KIRREL3: variants seen among roughly 807,000 people sequenced by gnomAD.
The protein encoded by KIRREL3 is kirre like nephrin family adhesion molecule 3.
Under a neutral mutation model 89.7 loss-of-function variants are expected in KIRREL3, and 36 were observed. That is an observed-to-expected ratio of 0.40 (90% CI 0.31 to 0.53). The LOEUF is 0.53. Ranked by LOEUF, KIRREL3 falls within the 20% of genes least tolerant of loss-of-function variation. The pLI, the probability that KIRREL3 is intolerant of heterozygous loss-of-function variation, is 0.49. For synonymous variants in KIRREL3, 445 were observed against 441.4 expected (o/e 1.01, Z -0.10); for missense variants, 864 against 1,056.6 (o/e 0.82, Z 2.53).
chr11:127,002,399 T>C (rs1184460979), upstream of KIRREL3, among the ~76,000 whole-genome samples: 1 of 152,198 alleles, frequency 6.6e-6, no homozygotes, highest in Non-Finnish European at 1.5e-5. Context: ...AGGCAGCCCA[T>C]TAGCTAAATT....
At chr11:126,554,046 C>T (rs1306460029) in intron 2 of KIRREL3, among the ~76,000 whole-genome samples, 1 of 152,084 alleles carries the variant, frequency 6.6e-6, no homozygotes, top group African/African-American at 2.4e-5. Context: ...CCAGCAGCAC[C>T]TCACACAGTT....
chr11:126,796,312 G>A lies in KIRREL3; in HGVS notation c.55+204143C>T, dbSNP rs1208279680. 6.6e-6 allele frequency among the ~76,000 whole-genome samples: 1 copy of A among 152,206 alleles called. No individual in the cohort carries two copies. Among genetic ancestry groups the A allele is most frequent in the Non-Finnish European group, 1.5e-5 (1 of 68,022 alleles). On this transcript the variant is annotated intron_variant, in intron 1 of 16. Transcript: ENST00000525144. This position sits in a 1 kb window ranked among gnomAD's most constrained non-coding sequence, Gnocchi z 5.1. ...GGGCTCGATCCATGTGAGTTCCCTG[G>A]CTTGCTGATCCCAGACTGGGCTGAC...
chr11:127,003,133 G>C (rs962865173), upstream of KIRREL3: 1 of 150,260 alleles, frequency 6.7e-6, no homozygotes, highest in Admixed American at 6.6e-5. Flanking sequence ...AAAAAAAAAA[G>C]CTTGGATTAA....
intron 1 of KIRREL3, among the ~76,000 whole-genome samples, chr11:126,856,360 T>A (rs559405023): frequency 3.3e-5 from 5 of 152,260 alleles, no homozygotes; most frequent in Admixed American, 2.0e-4. Context: ...ATTTTTTTTC[T>A]CACATTATTT....
At chr11:126,961,048 G>T (rs927769895) in intron 1 of KIRREL3, among the ~76,000 whole-genome samples, 1 of 152,090 alleles carries the variant, frequency 6.6e-6, no homozygotes, top group Non-Finnish European at 1.5e-5. Context: ...CAATGAGTGT[G>T]GTGTGTGTTC....
At chr11:126,793,628 T>C (rs1950713893) in intron 1 of KIRREL3, among the ~76,000 whole-genome samples, 1 of 152,190 alleles carries the variant, frequency 6.6e-6, no homozygotes, top group South Asian at 2.1e-4. Flanking sequence ...GCACAGGTCC[T>C]TCCTAAGAGG....
At chr11:126,921,618 C>CG (rs1565419556) in intron 1 of KIRREL3, among the ~76,000 whole-genome samples, 3 of 77,474 alleles carry the variant, frequency 3.9e-5, no homozygotes, top group African/African-American at 1.4e-4. Flanking sequence ...ATCTATCTAT[C>CG]TATCTTCCTA....
At chr11:126,790,389 C>T (rs1381138920) in intron 1 of KIRREL3, among the ~76,000 whole-genome samples, 1 of 152,184 alleles carries the variant, frequency 6.6e-6, no homozygotes, top group African/African-American at 2.4e-5. Context: ...AAGAGGCTCT[C>T]CCCTGGTTAG....
intron 5 of KIRREL3, among the ~76,000 whole-genome samples, chr11:126,464,707 G>A (rs1253177869): frequency 6.6e-6 from 1 of 152,200 alleles, no homozygotes; most frequent in Non-Finnish European, 1.5e-5. Context: ...AGGAATGCCA[G>A]GAGCTGCCAG....
chr11:126,879,123 G>T lies in KIRREL3; in HGVS notation c.55+121332C>A, dbSNP rs1190082484. Among the ~76,000 whole-genome samples, 1 of 152,190 alleles carries T rather than the reference G, an allele frequency of 6.6e-6. No individual in the cohort carries two copies. Among genetic ancestry groups the T allele is most frequent in the African/African-American group, 2.4e-5 (1 of 41,442 alleles). On this transcript the variant is annotated intron_variant, in intron 1 of 16. Transcript: ENST00000525144. This position sits in a 1 kb window ranked among gnomAD's most constrained non-coding sequence, Gnocchi z 5.4. ...TTTCTTCCCATCACTGACAGCAAAG[G>T]GAGGAAATAGTCTGAGTCCAGCTAA...
chr11:126,533,211 C>T (rs1269213065), intron 2 of KIRREL3, among the ~76,000 whole-genome samples: 1 of 152,180 alleles, frequency 6.6e-6, no homozygotes, highest in Non-Finnish European at 1.5e-5. Flanking sequence ...CCGTATCACA[C>T]CTACGTGAAG....
At chr11:126,895,940 G>A (rs955852027) in intron 1 of KIRREL3, among the ~76,000 whole-genome samples, 5 of 152,158 alleles carry the variant, frequency 3.3e-5, no homozygotes, top group African/African-American at 7.2e-5. Flanking sequence ...AAACTGCAGC[G>A]GTGTTGTCAC....
Position 126,520,434 on chromosome 11 carries a change from G to A in KIRREL3, c.433+881C>T, listed in dbSNP as rs1380542758. On this transcript the variant is annotated intron_variant, in intron 4 of 16. Coordinates refer to ENST00000525144, the MANE Select transcript of KIRREL3 (RefSeq NM_032531.4). This position sits in a 1 kb window ranked among gnomAD's most constrained non-coding sequence, Gnocchi z 4.9. ...CCTTAGTATCTCATCTGGGGTAACA[G>A]TCCCTGTCCCACCGAGCAGCGTCAG... Among the ~76,000 whole-genome samples, 1 of 152,170 alleles carries A rather than the reference G, an allele frequency of 6.6e-6. No homozygotes were observed. The highest frequency in any genetic ancestry group is 1.5e-5 in the Non-Finnish European group (1 of 68,030).
At chr11:126,756,367 G>C (rs527417120) in intron 1 of KIRREL3, among the ~76,000 whole-genome samples, 1 of 152,328 alleles carries the variant, frequency 6.6e-6, no homozygotes, top group African/African-American at 2.4e-5. Flanking sequence ...TCATTGTGTT[G>C]TATTGAATGT....
At chr11:126,532,370 A>T (rs1591690000) in intron 2 of KIRREL3, among the ~76,000 whole-genome samples, 1 of 151,244 alleles carries the variant, frequency 6.6e-6, no homozygotes, top group South Asian at 2.1e-4. Flanking sequence ...ATCTATTTTT[A>T]TATTTATTTA....
At chr11:126,869,064 T>C (rs550967077) in intron 1 of KIRREL3, among the ~76,000 whole-genome samples, 2 of 152,078 alleles carry the variant, frequency 1.3e-5, no homozygotes, top group East Asian at 1.9e-4. Context: ...TTTCAACATA[T>C]GAATTTTGAG....
rs2134555705 is a variant in KIRREL3 at position 126,555,791 on chromosome 11, A to G, written c.133+7044T>C. On this transcript the variant is annotated intron_variant, in intron 2 of 16. Coordinates refer to ENST00000525144, the MANE Select transcript of KIRREL3 (RefSeq NM_032531.4). This position sits in a 1 kb window ranked among gnomAD's most constrained non-coding sequence, Gnocchi z 4.2. The stretch of plus-strand genomic sequence containing the variant: ...AGTCTCCCTCTATCACTCAGGCTGG[A>G]GTGCAGTGGCACGATCTCGGCTCAC... Among the ~76,000 whole-genome samples, 1 of 149,692 alleles carries G rather than the reference A, an allele frequency of 6.7e-6. No individual in the cohort carries two copies. The highest frequency in any genetic ancestry group is 2.5e-5 in the African/African-American group (1 of 40,618).
rs1162098397 is a variant in KIRREL3 at position 126,477,943 on chromosome 11, G to C, written c.434-4477C>G. On this transcript the variant is annotated intron_variant, in intron 4 of 16. Transcript: ENST00000525144. This position sits in a 1 kb window ranked among gnomAD's most constrained non-coding sequence, Gnocchi z 4.8. ...TCTCATTTGACTCAATGAGCAGCGA[G>C]TTCCCCACAATGCTGGCAGAGTGGG... Among the ~76,000 whole-genome samples, 1 of 152,186 alleles carries C rather than the reference G, an allele frequency of 6.6e-6. No homozygotes were observed. Among genetic ancestry groups the C allele is most frequent in the African/African-American group, 2.4e-5 (1 of 41,444 alleles).
rs533507829 is a variant in KIRREL3, at chr11:126,699,918, A to G, written c.56-137006T>C. ...ATCAGATAAATAAAAATAAGGCCGG[A>G]CATGGAGGCTCATGTGTGTAATCCC... On this transcript the variant is annotated intron_variant, in intron 1 of 16. Coordinates refer to ENST00000525144, the MANE Select transcript of KIRREL3 (RefSeq NM_032531.4). 3.9e-5 allele frequency among the ~76,000 whole-genome samples: 6 copies of G among 152,314 alleles called. No individual in the cohort carries two copies. In the South Asian group the frequency reaches 1.2e-3, roughly 32 times the overall value.
Sources: gnomAD v4.1 joint callset for allele counts (sites outside exome capture counted in the v4.1 genomes callset) on GRCh38, gnomAD v4.1.1 for gene constraint, Gnocchi (gnomAD v3.1) non-coding constraint, MANE v1.5 for transcripts, NCBI Gene and HGNC (gene_info 2026-07-23, HGNC 2026-07-21) for gene names.